Variants in SYT6 observed in about 807,000 individuals in gnomAD.
SYT6 encodes the protein synaptotagmin-6.
Under a neutral mutation model 38.4 loss-of-function variants are expected in SYT6, and 24 were observed. The observed-to-expected ratio is 0.62, with a 90% CI of 0.45 to 0.88. The LOEUF (loss-of-function observed/expected upper bound fraction) is 0.88. Ranked by LOEUF, SYT6 falls within the 40% of genes least tolerant of loss-of-function variation. The pLI is 0.00. For synonymous variants in SYT6, 265 were observed against 241.9 expected, an observed-to-expected ratio of 1.10 and a Z score of -0.89; for missense variants, 611 against 621.0, an observed-to-expected ratio of 0.98 and a Z score of 0.17.
At chr1:114,132,602 G>A (rs542341507) in intron 3 of SYT6, among the ~76,000 whole-genome samples, 1 of 152,272 alleles carries the variant, frequency 6.6e-6, no homozygotes, top group East Asian at 1.9e-4. Context: ...AGGTCACACA[G>A]AAAACACATG....
At chr1:114,116,682 G>GC (rs1677018236) in intron 3 of SYT6, among the ~76,000 whole-genome samples, 1 of 152,080 alleles carries the variant, frequency 6.6e-6, no homozygotes, top group Admixed American at 6.5e-5. Flanking sequence ...GAAGCAAGAG[G>GC]CCCCAAGTGA....
chr1:114,098,529 T>C (rs1171576322), intron 5 of SYT6, among the ~76,000 whole-genome samples: 2 of 152,042 alleles, frequency 1.3e-5, no homozygotes, highest in Non-Finnish European at 2.9e-5. Context: ...GGAGATCCGA[T>C]TGGATGGATA....
Position 114,153,811 on chromosome 1 carries a change from C to G in SYT6, c.-39G>C, listed in dbSNP as rs946748160. The G allele has an allele frequency of 8.2e-6, 5 of 608,452 alleles. No homozygotes were observed. The highest frequency in any genetic ancestry group is 1.4e-5 in the Non-Finnish European group (5 of 347,808). The allele number at this position is 608,452 out of a possible 1,614,324, so 37.7% of individuals were successfully genotyped here. A position where few individuals can be genotyped will look rare whatever the true frequency, so the allele number is the denominator to read the frequency against. ...AGGCTTGCCGAGCAGCAGCTCGAAC[C>G]CGCGCCCCGGCCGCACTGGGGCGGG... On this transcript the variant is annotated 5_prime_UTR_variant, in exon 1 of 8. Coordinates refer to ENST00000610222, the MANE Select transcript of SYT6 (RefSeq NM_001253772.2).
chr1:114,091,606 C>A lies in SYT6; in HGVS notation c.*528G>T, dbSNP rs2279380. 2 of 159,258 alleles carry A rather than the reference C, an allele frequency of 1.3e-5. No homozygotes were observed. Among genetic ancestry groups the A allele is most frequent in the Non-Finnish European group, 2.7e-5 (2 of 72,842 alleles). 9.9% of individuals were successfully genotyped at this position (159,258 alleles called of 1,614,324 possible). On this transcript the variant is annotated 3_prime_UTR_variant, in exon 8 of 8. Transcript: ENST00000610222. The stretch of plus-strand genomic sequence containing the variant: ...TGAAAATGCAGCCGCAGTCCCACCA[C>A]GCCTCCTCCTTTTCCAGGGTTGTGG...
chr1:114,128,903 T>C (rs1471340794), intron 3 of SYT6, among the ~76,000 whole-genome samples: 1 of 152,234 alleles, frequency 6.6e-6, no homozygotes, highest in Non-Finnish European at 1.5e-5. Flanking sequence ...ATTAGTTTCA[T>C]GCCTCTTGAC....
intron 7 of SYT6, among the ~76,000 whole-genome samples, chr1:114,092,373 T>G (rs917482340): frequency 6.6e-6 from 1 of 151,008 alleles, no homozygotes; most frequent in Non-Finnish European, 1.5e-5. Flanking sequence ...TGTGTGAGAA[T>G]GAGGTGCTCT....
chr1:114,133,498 A>G (rs774383818), intron 3 of SYT6, among the ~76,000 whole-genome samples: 24 of 152,224 alleles, frequency 1.6e-4, no homozygotes, highest in Non-Finnish European at 3.4e-4. Context: ...AGGAGGGAAG[A>G]GCATGGTGAT....
chr1:114,148,972 G>C (rs1158454340), intron 1 of SYT6, among the ~76,000 whole-genome samples: 6 of 152,076 alleles, frequency 3.9e-5, no homozygotes, highest in Non-Finnish European at 8.8e-5. Flanking sequence ...GTTGGAGTGG[G>C]GGCAGGCATT....
At chr1:114,129,613 T>TTTA (rs1677999473) in intron 3 of SYT6, among the ~76,000 whole-genome samples, 1 of 67,942 alleles carries the variant, frequency 1.5e-5, no homozygotes, top group East Asian at 4.0e-4. Flanking sequence ...TCTTTCTTTC[T>TTTA]TTCCTTTCTT....
intron 3 of SYT6, among the ~76,000 whole-genome samples, chr1:114,134,545 C>T (rs1275082300): frequency 1.3e-5 from 2 of 152,110 alleles, no homozygotes; most frequent in Non-Finnish European, 2.9e-5. Context: ...GGATATAACT[C>T]GGGGATACAG....
At chr1:114,129,702 C>T (rs1342934562) in intron 3 of SYT6, among the ~76,000 whole-genome samples, 1 of 144,682 alleles carries the variant, frequency 6.9e-6, no homozygotes. Flanking sequence ...CAGAGTCTTG[C>T]TCTGTTGGCC....
chr1:114,139,463 C>T (rs1456124580), intron 2 of SYT6, 152 bp downstream of exon 2: 6 of 1,296,526 alleles, frequency 4.6e-6, no homozygotes, highest in Non-Finnish European at 6.3e-6. Flanking sequence ...TCATTGATCA[C>T]CCATCATGGC....
intron 7 of SYT6, among the ~76,000 whole-genome samples, chr1:114,092,338 CTGTGTGTGTG>C (rs57240903): frequency 7.0e-5 from 9 of 128,484 alleles, no homozygotes; most frequent in African/African-American, 8.3e-5. Context: ...CTCTCTCTCT[CTGTGTGTGTG>C]TGTGTGTGTG....
At chr1:114,146,725 C>G (rs1469767537) in intron 1 of SYT6, among the ~76,000 whole-genome samples, 2 of 152,228 alleles carry the variant, frequency 1.3e-5, no homozygotes, top group East Asian at 1.9e-4. Context: ...TTTACTTCTT[C>G]TTCAGCTTAG....
At chr1:114,092,311 ACTCTCTCT>A (rs35257020) in intron 7 of SYT6, among the ~76,000 whole-genome samples, 73 of 133,502 alleles carry the variant, frequency 5.5e-4, no homozygotes, top group Admixed American at 1.7e-3. Context: ...AGCTTTCTTA[ACTCTCTCT>A]CTCTCTCTCT....
At chr1:114,131,963 C>T (rs1362431442) in intron 3 of SYT6, among the ~76,000 whole-genome samples, 1 of 152,200 alleles carries the variant, frequency 6.6e-6, no homozygotes, top group African/African-American at 2.4e-5. Flanking sequence ...TATTTTCTGT[C>T]CCAAGAAACA....
Position 114,137,664 on chromosome 1 carries a change from G to C in SYT6, c.902C>G (p.Pro301Arg), listed in dbSNP as rs1160078549. The C allele has an allele frequency of 6.2e-7, 1 of 1,613,896 alleles. No homozygotes were observed. Among genetic ancestry groups the C allele is most frequent in the East Asian group, 2.2e-5 (1 of 44,876 alleles). ...GTCAGCCAGCTCCTCATAGGGCACAGGGAAGTGGAAGTTCTCATCAAAGGT... is the reference window on the plus strand; with the variant it reads ...GTCAGCCAGCTCCTCATAGGGCACACGGAAGTGGAAGTTCTCATCAAAGGT... ...NPTFDENFHF[P>R]VPYEELADRK... is the part of the protein sequence containing the mutation. The change falls in exon 3 of 8, where the codon CCT (proline) becomes CGT (arginine). Residue 301 changes from proline to arginine, a missense_variant. Pro to Arg is a moderately radical substitution (Grantham distance 103, BLOSUM62 -2). Transcript: ENST00000610222.
rs1679315655 is a variant in SYT6 at position 114,149,222 on chromosome 1, T to TGTGTGTGTGTGTGCGCGC, written c.163+4387_163+4388insGCGCGCACACACACACAC. On this transcript the variant is annotated intron_variant, in intron 1 of 7. Coordinates refer to ENST00000610222, the MANE Select transcript of SYT6 (RefSeq NM_001253772.2). The stretch of plus-strand genomic sequence containing the variant: ...GAGAGAGAGAGAGAGAGAGATTGTG[T>TGTGTGTGTGTGTGCGCGC]GTGTGTGTGTGTGTGTGTTGGGAGA... 1.2e-4 allele frequency among the ~76,000 whole-genome samples: 14 copies of TGTGTGTGTGTGTGCGCGC among 118,122 alleles called. No homozygotes were observed. In the Admixed American group the frequency reaches 1.3e-3, roughly 11 times the overall value. The allele number at this position is 118,122 out of a possible 152,430, so 77.5% of individuals were successfully genotyped here.
chr1:114,124,116 C>A (rs1045661240), intron 3 of SYT6, among the ~76,000 whole-genome samples: 1 of 152,216 alleles, frequency 6.6e-6, no homozygotes, highest in Non-Finnish European at 1.5e-5. Context: ...AGGGGCCTCT[C>A]TCTGCATATA....
Sources: allele counts gnomAD v4.1 joint callset (sites outside exome capture counted in the v4.1 genomes callset), GRCh38; gene constraint gnomAD v4.1.1; transcripts MANE v1.5; gene names NCBI Gene and HGNC (gene_info 2026-07-23, HGNC 2026-07-21).